ABCC4: variants seen among roughly 807,000 people sequenced by gnomAD.
ABCC4 encodes ATP binding cassette subfamily C member 4 (PEL blood group), also known as ATP-binding cassette sub-family C member 4.
A neutral mutation model predicts 168.5 loss-of-function variants in ABCC4; 102 were observed. That is an observed-to-expected ratio of 0.61 (90% confidence interval 0.52 to 0.71). ABCC4 has a LOEUF of 0.71. Ranked by LOEUF, ABCC4 falls within the 30% of genes least tolerant of loss-of-function variation. The pLI is 0.00. For synonymous variants in ABCC4, 617 were observed against 590.7 expected (o/e 1.04, Z -0.65); for missense variants, 1,402 against 1,605.8 (o/e 0.87, Z 2.17).
At chr13:95,268,628 C>T (rs954539650) in intron 1 of ABCC4, among the ~76,000 whole-genome samples, 8 of 152,144 alleles carry the variant, frequency 5.3e-5, no homozygotes, top group Non-Finnish European at 1.2e-4. Flanking sequence ...GACATGCTGG[C>T]GGCAGTACTG....
chr13:95,191,613 G>T (rs1483465796), intron 9 of ABCC4, among the ~76,000 whole-genome samples: 3 of 152,146 alleles, frequency 2.0e-5, no homozygotes, highest in South Asian at 4.1e-4. Context: ...ACTATATAAG[G>T]TGTTCCTCCT....
intron 1 of ABCC4, among the ~76,000 whole-genome samples, chr13:95,269,134 C>G (rs2027445): frequency 6.6e-6 from 1 of 151,972 alleles, no homozygotes; most frequent in African/African-American, 2.4e-5. Context: ...AAGTGTAGCA[C>G]TTTCCTGAGT....
intron 26 of ABCC4, among the ~76,000 whole-genome samples, chr13:95,054,700 G>T (rs2032989757): frequency 6.6e-6 from 1 of 152,196 alleles, no homozygotes; most frequent in South Asian, 2.1e-4. Context: ...GAGAAGGTGA[G>T]ACTCTTCCAC....
Position 95,170,532 on chromosome 13 carries a change from A to T in ABCC4, c.1824T>A (p.Asp608Glu), listed in dbSNP as rs773457032. Residue 608 changes from aspartate (D) to glutamate (E), a missense_variant and splice_region_variant, in exon 14 of 31, where the codon GAT becomes GAA. Asp to Glu is a conservative substitution (Grantham distance 45). Around this residue, in one of 3 missense-constraint regions of ABCC4, gnomAD observed 1,007 missense variants for 1,127.3 expected, o/e 0.89. Transcript: ENST00000645237. Reference sequence around the variant, plus strand: ...CGGGAGACCTCTAGAAACTACTTACATCTTTCAATATCAGAATCTGACTTG... The same window carrying T: ...CGGGAGACCTCTAGAAACTACTTACTTCTTTCAATATCAGAATCTGACTTG... ...KAASQILILK[D>E]GKMVQKGTYT... is the part of the protein sequence containing the mutation. 6.2e-7 allele frequency: 1 copy of T among 1,606,666 alleles called. No individual in the cohort carries two copies. Among genetic ancestry groups the T allele is most frequent in the South Asian group, 1.1e-5 (1 of 89,960 alleles).
chr13:95,203,099 C>T (rs1183620521), intron 8 of ABCC4, among the ~76,000 whole-genome samples: 1 of 152,130 alleles, frequency 6.6e-6, no homozygotes, highest in Non-Finnish European at 1.5e-5. Flanking sequence ...GGGAGTTACA[C>T]AAGTAAAAGG....
At chr13:95,119,379 C>T (rs1311334872) in intron 19 of ABCC4, among the ~76,000 whole-genome samples, 5 of 151,978 alleles carry the variant, frequency 3.3e-5, no homozygotes, top group African/African-American at 9.7e-5. Context: ...AGGAAACAAC[C>T]GAAATGTCTG....
chr13:95,146,825 G>A (rs528652135), intron 19 of ABCC4, among the ~76,000 whole-genome samples: 36 of 152,218 alleles, frequency 2.4e-4, no homozygotes, highest in South Asian at 6.2e-4. Context: ...TAAGACACAG[G>A]GCAAGATTCC....
intron 1 of ABCC4, among the ~76,000 whole-genome samples, chr13:95,258,339 T>C (rs2138841905): frequency 6.6e-6 from 1 of 152,276 alleles, no homozygotes; most frequent in South Asian, 2.1e-4. Context: ...CCTGATGTGT[T>C]TCTGACAGTC....
At chr13:95,089,451 C>T (rs2034360036) in intron 20 of ABCC4, among the ~76,000 whole-genome samples, 1 of 152,054 alleles carries the variant, frequency 6.6e-6, no homozygotes, top group Non-Finnish European at 1.5e-5. Context: ...AACCCCGTCT[C>T]TACTAAAAAT....
intron 30 of ABCC4, among the ~76,000 whole-genome samples, chr13:95,033,988 G>A (rs753785507): frequency 1.3e-5 from 2 of 152,176 alleles, no homozygotes; most frequent in Non-Finnish European, 2.9e-5. Flanking sequence ...AGAAGGTGGA[G>A]GAAGCATATG....
chr13:95,289,949 A>G (rs2041349343), intron 1 of ABCC4, among the ~76,000 whole-genome samples: 1 of 152,016 alleles, frequency 6.6e-6, no homozygotes, highest in Non-Finnish European at 1.5e-5. Flanking sequence ...ATACAAAATT[A>G]GCCAGGCATG....
chr13:95,177,681 A>G, intron 13 of ABCC4, 26 bp downstream of exon 13: 1 of 1,584,612 alleles, frequency 6.3e-7, no homozygotes, highest in Non-Finnish European at 8.6e-7. Flanking sequence ...AAAAGCAGAA[A>G]TGACTTAAGA....
rs1230621037 is a variant in ABCC4 at position 95,246,992 on chromosome 13, T to C, written c.289A>G (p.Ile97Val). The C allele has an allele frequency of 6.2e-7, 1 of 1,612,260 alleles. No individual in the cohort carries two copies. Among genetic ancestry groups the C allele is most frequent in the Non-Finnish European group, 8.5e-7 (1 of 1,179,064 alleles). The change falls in exon 3 of 31, where the codon ATT (isoleucine) becomes GTT (valine). Residue 97 changes from isoleucine (I) to valine (V), a missense_variant. Transcript: ENST00000645237. Reference sequence around the variant, plus strand: ...GCTTTTACCTCAATTAACGTAAAAATTCCCAAAACTAAATAAGATTTCCAG... The same window carrying C: ...GCTTTTACCTCAATTAACGTAAAAACTCCCAAAACTAAATAAGATTTCCAG... ...CYWKSYLVLG[I>V]FTLIEESAKV...
intron 20 of ABCC4, among the ~76,000 whole-genome samples, chr13:95,084,756 T>C (rs1363409128): frequency 6.6e-6 from 1 of 152,234 alleles, no homozygotes; most frequent in Non-Finnish European, 1.5e-5. Context: ...TATGAGCACG[T>C]GCAAGGCACT....
chr13:95,150,336 C>T (rs560780523), intron 19 of ABCC4, among the ~76,000 whole-genome samples: 121 of 152,240 alleles, frequency 7.9e-4, no homozygotes, highest in Middle Eastern at 3.4e-3. Context: ...GACAGGCTTT[C>T]CAGGTGTTCA....
chr13:95,110,837 G>A (rs561901090), intron 20 of ABCC4, among the ~76,000 whole-genome samples: 16 of 151,886 alleles, frequency 1.1e-4, no homozygotes, highest in Non-Finnish European at 2.1e-4. Context: ...CCATGGTGGT[G>A]CACACTTGTA....
intron 1 of ABCC4, among the ~76,000 whole-genome samples, chr13:95,279,511 C>T (rs1010212169): frequency 5.3e-5 from 8 of 152,074 alleles, no homozygotes; most frequent in African/African-American, 1.4e-4. Flanking sequence ...AAACTGTTCA[C>T]GAAAAAGTCT....
intron 3 of ABCC4, among the ~76,000 whole-genome samples, chr13:95,235,386 G>A (rs1419779479): frequency 6.6e-6 from 1 of 152,078 alleles, no homozygotes; most frequent in East Asian, 1.9e-4. Flanking sequence ...ATTACAAACA[G>A]GGCTTTAAAG....
At chr13:95,056,802 T>G (rs1250843252) in intron 26 of ABCC4, among the ~76,000 whole-genome samples, 3 of 152,248 alleles carry the variant, frequency 2.0e-5, no homozygotes, top group African/African-American at 7.2e-5. Context: ...TAAAAACTAC[T>G]TAGCTTTTGC....
Sources: allele counts gnomAD v4.1 joint callset (sites outside exome capture counted in the v4.1 genomes callset), GRCh38; gene constraint gnomAD v4.1.1; regional missense constraint gnomAD v4.1.1; transcripts MANE v1.5; gene names NCBI Gene and HGNC (gene_info 2026-07-23, HGNC 2026-07-21).